Variants in THSD7A observed in about 807,000 individuals in gnomAD.
THSD7A encodes the protein thrombospondin type 1 domain containing 7A.
A neutral mutation model predicts 231.3 loss-of-function variants in THSD7A; 96 were observed. The observed-to-expected ratio is 0.41, with a 90% confidence interval of 0.35 to 0.49. The LOEUF is 0.49. THSD7A is among the 20% of genes least tolerant of loss of function. The pLI, the probability that THSD7A is intolerant of heterozygous loss-of-function variation, is 0.05. For synonymous variants in THSD7A, 940 were observed against 743.3 expected, an observed-to-expected ratio of 1.26 and a Z score of -4.30; for missense variants, 2,290 against 2,070.2, an observed-to-expected ratio of 1.11 and a Z score of -2.06.
At chr7:11,683,120 C>CAAAAAA (rs71027424) in intron 1 of THSD7A, among the ~76,000 whole-genome samples, 2 of 99,618 alleles carry the variant, frequency 2.0e-5, no homozygotes, top group Non-Finnish European at 2.1e-5. Flanking sequence ...GACTCCATCT[C>CAAAAAA]AAAAAAAAAA....
intron 1 of THSD7A, among the ~76,000 whole-genome samples, chr7:11,771,691 A>G (rs1019585758): frequency 2.6e-5 from 4 of 152,182 alleles, no homozygotes; most frequent in South Asian, 2.1e-4. Context: ...AAAATACTCA[A>G]CATCGCTAAT....
At chr7:11,380,323 C>A (rs187357175) in intron 24 of THSD7A, among the ~76,000 whole-genome samples, 1 of 152,090 alleles carries the variant, frequency 6.6e-6, no homozygotes, top group Non-Finnish European at 1.5e-5. Context: ...AGTGTAGTAC[C>A]AACTGTGCCT....
At chr7:11,419,003 G>C (rs1480458683) in intron 16 of THSD7A, among the ~76,000 whole-genome samples, 10 of 152,114 alleles carry the variant, frequency 6.6e-5, no homozygotes, top group Non-Finnish European at 1.5e-4. Flanking sequence ...TATGGTGACA[G>C]CAGCTTAGAG....
intron 6 of THSD7A, among the ~76,000 whole-genome samples, chr7:11,511,293 C>T (rs1787798360): frequency 6.6e-6 from 1 of 152,112 alleles, no homozygotes; most frequent in Non-Finnish European, 1.5e-5. Context: ...AGGACACAAA[C>T]AAATGGAAGA....
At chr7:11,732,401 A>T (rs183204526) in intron 1 of THSD7A, among the ~76,000 whole-genome samples, 1 of 152,024 alleles carries the variant, frequency 6.6e-6, no homozygotes, top group Admixed American at 6.6e-5. Context: ...CGCATAGTGC[A>T]AAGTGAGTGA....
At chr7:11,766,499 C>T (rs1438767613) in intron 1 of THSD7A, among the ~76,000 whole-genome samples, 2 of 151,834 alleles carry the variant, frequency 1.3e-5, no homozygotes, top group African/African-American at 4.9e-5. Flanking sequence ...CTAAAGATGA[C>T]TTTCAGAAAT....
chr7:11,664,272 G>A (rs2077983), intron 1 of THSD7A, among the ~76,000 whole-genome samples: 25,168 of 151,732 alleles, frequency 0.17, 2,170 homozygotes, highest in Non-Finnish European at 0.21. Flanking sequence ...CCTGCTTACA[G>A]CAAAATAAAA....
chr7:11,778,193 A>G (rs923402571), intron 1 of THSD7A, among the ~76,000 whole-genome samples: 4 of 145,488 alleles, frequency 2.7e-5, no homozygotes, highest in African/African-American at 7.6e-5. Flanking sequence ...GCCCTTTCCT[A>G]TGTACTAGAA....
At chr7:11,473,432 A>G (rs1426751299) in intron 8 of THSD7A, among the ~76,000 whole-genome samples, 1 of 152,184 alleles carries the variant, frequency 6.6e-6, no homozygotes, top group Non-Finnish European at 1.5e-5. Flanking sequence ...GATTACACAC[A>G]ATATTTAACC....
chr7:11,796,551 T>C (rs1477165020), intron 1 of THSD7A, among the ~76,000 whole-genome samples: 2 of 152,046 alleles, frequency 1.3e-5, no homozygotes, highest in Admixed American at 6.6e-5. Context: ...TTATGCAGTC[T>C]TTGTTTGATG....
intron 1 of THSD7A, among the ~76,000 whole-genome samples, chr7:11,824,845 T>C (rs1377720246): frequency 1.3e-5 from 2 of 152,122 alleles, no homozygotes; most frequent in African/African-American, 2.4e-5. Flanking sequence ...TGAGAATTGA[T>C]AGGTGACAAT....
rs117452497 is a variant in THSD7A at position 11,581,501 on chromosome 7, G to A, written c.1453+8959C>T. ...TTTTTGTCTTTTCCATTAGCAAACT[G>A]GGAAAAACTAGAATGATAAAAAGAG... On this transcript the variant is annotated intron_variant, in intron 4 of 27. Transcript: ENST00000423059. Among the ~76,000 whole-genome samples the A allele has an allele frequency of 3.8e-3, 584 of 152,008 alleles. 3 individuals are homozygous for A. The highest frequency in any genetic ancestry group is 6.2e-3 in the Non-Finnish European group (418 of 67,906).
intron 4 of THSD7A, among the ~76,000 whole-genome samples, chr7:11,569,102 G>A (rs1387952957): frequency 2.0e-5 from 3 of 151,794 alleles, no homozygotes; most frequent in African/African-American, 4.8e-5. Flanking sequence ...AAGAAAGCAA[G>A]CAAATGCTTC....
chr7:11,766,141 T>A (rs1201181778), intron 1 of THSD7A, among the ~76,000 whole-genome samples: 1 of 152,136 alleles, frequency 6.6e-6, no homozygotes, highest in Non-Finnish European at 1.5e-5. Context: ...CTTCTCTCAT[T>A]ATTATTGCCT....
chr7:11,586,604 TAG>T (rs1405740214), intron 4 of THSD7A, among the ~76,000 whole-genome samples: 3 of 152,214 alleles, frequency 2.0e-5, no homozygotes, highest in African/African-American at 7.2e-5. Flanking sequence ...CCGTAATGCA[TAG>T]CCTTTCTTTT....
At chr7:11,487,722 C>T (rs1461027642) in intron 6 of THSD7A, among the ~76,000 whole-genome samples, 2 of 151,900 alleles carry the variant, frequency 1.3e-5, no homozygotes, top group South Asian at 2.1e-4. Flanking sequence ...AGGGGAACTC[C>T]CATTGAAAAA....
intron 6 of THSD7A, among the ~76,000 whole-genome samples, chr7:11,510,138 C>T (rs1207978363): frequency 3.9e-5 from 6 of 152,074 alleles, no homozygotes; most frequent in African/African-American, 1.4e-4. Flanking sequence ...AATAGTGGAA[C>T]CAACCCAAAT....
chr7:11,389,774 T>C (rs1013447337), intron 23 of THSD7A, among the ~76,000 whole-genome samples: 4 of 152,120 alleles, frequency 2.6e-5, no homozygotes, highest in Admixed American at 2.6e-4. Flanking sequence ...CCATGTTCAG[T>C]GCTTCCTTCA....
chr7:11,789,414 A>G (rs1783883290), intron 1 of THSD7A, among the ~76,000 whole-genome samples: 1 of 152,002 alleles, frequency 6.6e-6, no homozygotes, highest in Admixed American at 6.6e-5. Flanking sequence ...AAGAAGGAAA[A>G]CCAGCCAGGA....
Sources: allele counts gnomAD v4.1 joint callset (sites outside exome capture counted in the v4.1 genomes callset), GRCh38; gene constraint gnomAD v4.1.1; transcripts MANE v1.5; gene names NCBI Gene and HGNC (gene_info 2026-07-23, HGNC 2026-07-21).